Variants in NAALADL2 observed in about 807,000 individuals in gnomAD.
NAALADL2 encodes the protein inactive N-acetylated-alpha-linked acidic dipeptidase-like protein 2.
In NAALADL2, 76 loss-of-function variants were observed where a neutral mutation model predicts 87.2. The observed-to-expected ratio is 0.87, with a 90% CI of 0.72 to 1.05. NAALADL2 has a LOEUF of 1.05. NAALADL2 is among the 50% of genes least tolerant of loss of function. The pLI is 0.00. For missense variants in NAALADL2, 1,089 were observed against 945.8 expected, an observed-to-expected ratio of 1.15 and a Z score of -1.99; for synonymous variants, 354 against 331.0, an observed-to-expected ratio of 1.07 and a Z score of -0.75.
intron 5 of NAALADL2, among the ~76,000 whole-genome samples, chr3:175,424,608 TTCTGTTCTATA>T (rs1716463377): frequency 6.6e-6 from 1 of 152,174 alleles, no homozygotes; most frequent in Non-Finnish European, 1.5e-5. Context: ...GAGGGCTCTG[TTCTGTTCTATA>T]TCTGTTCTAT....
chr3:174,859,134 G>C (rs890820033), upstream of NAALADL2: 1 of 355,940 alleles, frequency 2.8e-6, no homozygotes, highest in Non-Finnish European at 5.1e-6. Flanking sequence ...TGAAAGTAGA[G>C]AATTAAAAGT....
At chr3:175,084,463 G>T (rs2108265191) in intron 1 of NAALADL2, among the ~76,000 whole-genome samples, 1 of 152,210 alleles carries the variant, frequency 6.6e-6, no homozygotes, top group African/African-American at 2.4e-5. Flanking sequence ...CTCCAACAAA[G>T]TAGTTTAATT....
chr3:174,963,176 A>G (rs10513727), intron 1 of NAALADL2, among the ~76,000 whole-genome samples: 76,449 of 151,896 alleles, frequency 0.5, 20,124 homozygotes, highest in Non-Finnish European at 0.59. Context: ...GGCTGGAATC[A>G]CTGATACTGA....
Position 175,755,510 on chromosome 3 carries a change from G to A in NAALADL2, c.2189+92G>A, listed in dbSNP as rs1747155367. The A allele has an allele frequency of 4.4e-6, 4 of 902,896 alleles. No individual in the cohort carries two copies. The East Asian group carries it at 8.9e-5, about 20-fold the overall frequency. The allele number at this position is 902,896 out of a possible 1,614,324, so 55.9% of individuals were successfully genotyped here. A position where few individuals can be genotyped will look rare whatever the true frequency, so the allele number is the denominator to read the frequency against. Reference sequence around the variant, plus strand: ...ATACATACCTTCTATGAACATAACAGTAGTGTAAAAGAAATTATAAAGCAG... The same window carrying A: ...ATACATACCTTCTATGAACATAACAATAGTGTAAAAGAAATTATAAAGCAG... On this transcript the variant is annotated intron_variant, in intron 13 of 13. Coordinates refer to ENST00000454872, the MANE Select transcript of NAALADL2 (RefSeq NM_207015.3).
At chr3:175,176,593 G>C (rs1020222623) in intron 2 of NAALADL2, among the ~76,000 whole-genome samples, 1 of 152,072 alleles carries the variant, frequency 6.6e-6, no homozygotes, top group Non-Finnish European at 1.5e-5. Flanking sequence ...GATTGTTTTG[G>C]ATCAGTGGGG....
At chr3:174,925,326 G>C (rs896970391) in intron 1 of NAALADL2, among the ~76,000 whole-genome samples, 2 of 152,138 alleles carry the variant, frequency 1.3e-5, no homozygotes, top group African/African-American at 4.8e-5. Flanking sequence ...ATTAAAAAGG[G>C]AATCCTTTCC....
intron 2 of NAALADL2, among the ~76,000 whole-genome samples, chr3:174,696,389 T>C (rs567378): frequency 0.43 from 65,013 of 151,594 alleles, 14,812 homozygotes; most frequent in East Asian, 0.73. Flanking sequence ...ACATAATTCA[T>C]ATTTCTTGTT....
chr3:175,775,845 A>T (rs189726744), intron 13 of NAALADL2, among the ~76,000 whole-genome samples: 5 of 152,308 alleles, frequency 3.3e-5, no homozygotes, highest in Admixed American at 1.3e-4. Flanking sequence ...GTGGTTAGGC[A>T]GGACACTGCC....
intron 1 of NAALADL2, among the ~76,000 whole-genome samples, chr3:174,481,303 G>A (rs1344083441): frequency 6.6e-6 from 1 of 152,008 alleles, no homozygotes; most frequent in Non-Finnish European, 1.5e-5. Flanking sequence ...ATATTCCTGA[G>A]GTGAGAAAGA....
intron 1 of NAALADL2, among the ~76,000 whole-genome samples, chr3:175,032,107 C>G (rs568261763): frequency 4.6e-4 from 70 of 151,974 alleles, no homozygotes; most frequent in Admixed American, 3.8e-3. Context: ...TGCAGAAGCT[C>G]TTTAGTTTAA....
At chr3:174,607,006 A>G (rs1358622635) in intron 2 of NAALADL2, among the ~76,000 whole-genome samples, 3 of 152,360 alleles carry the variant, frequency 2.0e-5, no homozygotes, top group East Asian at 1.9e-4. Flanking sequence ...AGTGGGGGCC[A>G]ATACTCAACA....
At chr3:174,820,738 G>T (rs1721326434) in intron 3 of NAALADL2, among the ~76,000 whole-genome samples, 1 of 152,090 alleles carries the variant, frequency 6.6e-6, no homozygotes, top group African/African-American at 2.4e-5. Flanking sequence ...CAGCCAAGAT[G>T]TAGGGAAAAG....
At chr3:175,613,433 C>T (rs1434294865) in intron 10 of NAALADL2, among the ~76,000 whole-genome samples, 1 of 152,168 alleles carries the variant, frequency 6.6e-6, no homozygotes, top group Non-Finnish European at 1.5e-5. Flanking sequence ...TAAATTACAA[C>T]ATTATGCATC....
At chr3:175,561,824 A>G (rs535048020) in intron 9 of NAALADL2, among the ~76,000 whole-genome samples, 91 of 152,232 alleles carry the variant, frequency 6.0e-4, no homozygotes, top group Non-Finnish European at 1.1e-3. Flanking sequence ...AATTCAGTCC[A>G]TAGCACTTTA....
intron 1 of NAALADL2, among the ~76,000 whole-genome samples, chr3:174,979,392 G>A (rs575019078): frequency 1.8e-4 from 24 of 136,816 alleles, no homozygotes; most frequent in Admixed American, 5.6e-4. Context: ...TGCAAGCTCC[G>A]CCTCCTGGGT....
At chr3:175,510,708 G>T (rs547646560) in intron 9 of NAALADL2, among the ~76,000 whole-genome samples, 2 of 152,148 alleles carry the variant, frequency 1.3e-5, no homozygotes, top group African/African-American at 4.8e-5. Flanking sequence ...AGGAAGACAG[G>T]GACAAAACTA....
At chr3:175,543,215 A>G (rs1028972984) in intron 9 of NAALADL2, among the ~76,000 whole-genome samples, 3 of 152,128 alleles carry the variant, frequency 2.0e-5, no homozygotes, top group African/African-American at 4.8e-5. Context: ...CTCCTCCCAT[A>G]TCTTGCAAGG....
chr3:175,674,007 A>G (rs909156189), intron 11 of NAALADL2, among the ~76,000 whole-genome samples: 2 of 152,036 alleles, frequency 1.3e-5, no homozygotes, highest in Non-Finnish European at 2.9e-5. Flanking sequence ...CTATAATGTT[A>G]TGAAAATTTA....
intron 1 of NAALADL2, among the ~76,000 whole-genome samples, chr3:174,541,332 T>G (rs1722200908): frequency 6.6e-6 from 1 of 152,176 alleles, no homozygotes. Context: ...GAATGACGTT[T>G]CTAAAAATTT....
Sources: gnomAD v4.1 joint callset for allele counts (sites outside exome capture counted in the v4.1 genomes callset) on GRCh38, gnomAD v4.1.1 for gene constraint, MANE v1.5 for transcripts, NCBI Gene and HGNC (gene_info 2026-07-23, HGNC 2026-07-21) for gene names.